Variants in NSD2 observed in about 807,000 individuals in gnomAD.
NSD2 encodes nuclear receptor binding SET domain protein 2, also known as histone-lysine N-methyltransferase NSD2.
NSD2 carries 12 observed loss-of-function variants against 139.0 expected under a neutral mutation model. The ratio of observed to expected loss-of-function variants is 0.09; its 90% CI spans 0.06 to 0.14. The LOEUF is 0.14. NSD2 is among the 10% of genes least tolerant of loss of function. The pLI is 1.00. For synonymous variants in NSD2, 669 were observed against 648.7 expected (o/e 1.03, Z -0.48); for missense variants, 1,155 against 1,745.0 (o/e 0.66, Z 6.02).
chr4:1,935,250 C>T lies in NSD2; in HGVS notation c.1662C>T (p.His554=). 6.2e-7 allele frequency: 1 copy of T among 1,612,558 alleles called. No homozygotes were observed. Among genetic ancestry groups the T allele is most frequent in the Non-Finnish European group, 8.5e-7 (1 of 1,179,016 alleles). The change falls in exon 7 of 22, where the codon CAC becomes CAT. Residue 554 remains histidine, a synonymous_variant. Transcript: ENST00000508803. ...GGAAAAGACTCAGGACGGACAAGCACAGTCTTCGGAAGGTAATTGTGTTCC... is the reference window on the plus strand; with the variant it reads ...GGAAAAGACTCAGGACGGACAAGCATAGTCTTCGGAAGGTAATTGTGTTCC... The part of the protein sequence containing the change: ...TPRKRLRTDK[H]SLRKRDTITD...
In NSD2 at chr4:1,905,469, C is replaced by G. The variant is rs898087285; in HGVS notation, c.760+1091C>G. 1.2e-4 allele frequency among the ~76,000 whole-genome samples: 18 copies of G among 152,394 alleles called. No homozygotes were observed. The Middle Eastern group carries it at 0.01, about 86-fold the overall frequency. On this transcript the variant is annotated intron_variant, in intron 3 of 21. Coordinates refer to ENST00000508803, the MANE Select transcript of NSD2 (RefSeq NM_001042424.3). ...GTGGTCCTTGCGTACATGTCCCCTT[C>G]TGGTCTCTGGCTGGAGGCCTGAGCT...
At position 1,974,714 on chromosome 4, in the gene NSD2, G is replaced by A. The variant is rs748498733; in HGVS notation, c.3373-149G>A. 1.8e-6 allele frequency: 2 copies of A among 1,089,604 alleles called. No individual in the cohort carries two copies. The highest frequency in any genetic ancestry group is 2.8e-6 in the Non-Finnish European group (2 of 714,104). 67.5% of individuals were successfully genotyped at this position (1,089,604 alleles called of 1,614,324 possible). On this transcript the variant is annotated intron_variant, in intron 18 of 21. Transcript: ENST00000508803. This position sits in a 1 kb window ranked among gnomAD's most constrained non-coding sequence, Gnocchi z 4.0. ...CAAGAGAAACAGGACTGGTTTGGGG[G>A]TGTCCTGTCTCAGTGGACACAGGAC...
chr4:1,956,203 A>G lies in NSD2; in HGVS notation c.2881+15A>G. 6.3e-7 allele frequency: 1 copy of G among 1,576,272 alleles called. No homozygotes were observed. The highest frequency in any genetic ancestry group is 8.6e-7 in the Non-Finnish European group (1 of 1,159,302). The stretch of plus-strand genomic sequence containing the variant: ...CTTCAAAAACGGTACGGAGATATTC[A>G]GATAGAGAGTGAGACAGCACTCTCG... On this transcript the variant is annotated intron_variant, in intron 15 of 21. Coordinates refer to ENST00000508803, the MANE Select transcript of NSD2 (RefSeq NM_001042424.3). This position sits in a 1 kb window ranked among gnomAD's most constrained non-coding sequence, Gnocchi z 5.3.
chr4:1,886,434 T>G (rs1715116443), intron 1 of NSD2, among the ~76,000 whole-genome samples: 1 of 152,228 alleles, frequency 6.6e-6, no homozygotes, highest in Non-Finnish European at 1.5e-5. Flanking sequence ...CTTGAACTCC[T>G]GGCCTCAAGT....
At chr4:1,947,781 T>C in intron 9 of NSD2, 1 of 1,048,718 alleles carries the variant, frequency 9.5e-7, no homozygotes, top group South Asian at 4.6e-5. Flanking sequence ...AAATATTTAT[T>C]GTTCAAGGTC....
chr4:1,886,983 A>G (rs1715163982), intron 1 of NSD2, among the ~76,000 whole-genome samples: 1 of 152,008 alleles, frequency 6.6e-6, no homozygotes, highest in Non-Finnish European at 1.5e-5. Flanking sequence ...CTTCTTCCCA[A>G]CATTCCCAAT....
At chr4:1,876,451 G>T (rs1456683143) in intron 1 of NSD2, among the ~76,000 whole-genome samples, 1 of 152,162 alleles carries the variant, frequency 6.6e-6, no homozygotes, top group African/African-American at 2.4e-5. Flanking sequence ...AGCACTTTGG[G>T]AGGCTGAGGT....
chr4:1,930,854 G>A, intron 6 of NSD2, 84 bp downstream of exon 6: 1 of 1,488,988 alleles, frequency 6.7e-7, no homozygotes, highest in Non-Finnish European at 9.0e-7. Context: ...GGAACCGTAG[G>A]GAAGTGTGTC....
rs73796607 is a variant in NSD2 at position 1,904,112 on chromosome 4, G to T, written c.598-104G>T. 5.2e-3 allele frequency: 6,613 copies of T among 1,274,514 alleles called. 272 individuals are homozygous for T. In the African/African-American group the frequency reaches 0.089, roughly 17 times the overall value. 79.0% of individuals were successfully genotyped at this position (1,274,514 alleles called of 1,614,324 possible). ...AAGGGAGCACACTCCATTTTTGGGG[G>T]TCTGTGTGTATTTGGACATTGTAGC... is the stretch of plus-strand genomic sequence containing the variant. On this transcript the variant is annotated intron_variant, in intron 2 of 21. Coordinates refer to ENST00000508803, the MANE Select transcript of NSD2 (RefSeq NM_001042424.3).
At chr4:1,908,516 C>G (rs1242869919) in intron 3 of NSD2, among the ~76,000 whole-genome samples, 1 of 152,180 alleles carries the variant, frequency 6.6e-6, no homozygotes. Context: ...AGGAGTCAAG[C>G]CTGGGTAGAT....
chr4:1,901,249 A>G lies in NSD2; in HGVS notation c.595A>G (p.Lys199Glu). 1 of 1,565,302 alleles carries G rather than the reference A, an allele frequency of 6.4e-7. No individual in the cohort carries two copies. The highest frequency in any genetic ancestry group is 8.6e-7 in the Non-Finnish European group (1 of 1,160,724). The part of the protein sequence containing the change: ...VSKISSPSDK[K>E]IPAKKESCPN... ...TAAGATCTCAAGTCCTTCAGATAAA[A>G]AGGTATTTAGGAGACGTTGTGTAAG... Residue 199 changes from lysine (K) to glutamate (E), a missense_variant and splice_region_variant, in exon 2 of 22, where the codon AAG becomes GAG. Transcript: ENST00000508803.
intron 9 of NSD2, chr4:1,944,442 AG>A: frequency 3.8e-6 from 4 of 1,065,218 alleles, no homozygotes; most frequent in East Asian, 5.0e-5. Context: ...CCGGTTGTTG[AG>A]GTGAATTTTG....
At chr4:1,907,409 G>A (rs1163006354) in intron 3 of NSD2, among the ~76,000 whole-genome samples, 1 of 152,056 alleles carries the variant, frequency 6.6e-6, no homozygotes, top group East Asian at 1.9e-4. Context: ...GTGTTTTCAT[G>A]TCCTCAGGTA....
rs77649910 is a variant in NSD2 at position 1,888,135 on chromosome 4, G to T, written c.-29-12491G>T. ...CAACGTTTATTAAGGCTATATGGCT[G>T]GGTGCGGTGGCTCACGCCTGTAATC... is the stretch of plus-strand genomic sequence containing the variant. On this transcript the variant is annotated intron_variant, in intron 1 of 21. Coordinates refer to ENST00000508803, the MANE Select transcript of NSD2 (RefSeq NM_001042424.3). Among the ~76,000 whole-genome samples, 715 of 152,204 alleles carry T rather than the reference G, an allele frequency of 4.7e-3. 4 individuals are homozygous for T. Among genetic ancestry groups the T allele is most frequent in the African/African-American group, 0.016 (669 of 41,520 alleles).
In NSD2 at chr4:1,978,997, G is replaced by T; in HGVS notation, c.*88G>T. ...GAGGGCGAGCATGAACTGGCCCGGA[G>T]GACCCAGCTCGAGCCGCCAGGACAC... On this transcript the variant is annotated 3_prime_UTR_variant, in exon 22 of 22. Coordinates refer to ENST00000508803, the MANE Select transcript of NSD2 (RefSeq NM_001042424.3). 7.0e-7 allele frequency: 1 copy of T among 1,421,172 alleles called. No individual in the cohort carries two copies. Among genetic ancestry groups the T allele is most frequent in the Non-Finnish European group, 9.2e-7 (1 of 1,085,592 alleles). The allele number at this position is 1,421,172 out of a possible 1,614,324, so 88.0% of individuals were successfully genotyped here.
chr4:1,897,344 G>C (rs895094066), intron 1 of NSD2, among the ~76,000 whole-genome samples: 9 of 152,096 alleles, frequency 5.9e-5, no homozygotes, highest in African/African-American at 2.2e-4. Flanking sequence ...AGTTAGCTGA[G>C]CATGGTGGGG....
intron 18 of NSD2, among the ~76,000 whole-genome samples, chr4:1,962,072 G>A (rs1256995691): frequency 6.6e-6 from 1 of 152,234 alleles, no homozygotes; most frequent in Admixed American, 6.5e-5. Context: ...GACCTAGAGA[G>A]AAAGGGCTGC....
chr4:1,978,966 G>T lies in NSD2; in HGVS notation c.*57G>T. The T allele has an allele frequency of 1.5e-5, 22 of 1,441,586 alleles. No individual in the cohort carries two copies. Among genetic ancestry groups the T allele is most frequent in the Non-Finnish European group, 2.0e-5 (22 of 1,095,876 alleles). The allele number at this position is 1,441,586 out of a possible 1,614,324, so 89.3% of individuals were successfully genotyped here. A position where few individuals can be genotyped will look rare whatever the true frequency, so the allele number is the denominator to read the frequency against. ...CGGTGCAGGGCGGCCGGCCCTGCCT[G>T]CGGGAGAGGGCGAGCATGAACTGGC... On this transcript the variant is annotated 3_prime_UTR_variant, in exon 22 of 22. Transcript: ENST00000508803.
Position 1,978,901 on chromosome 4 carries a change from G to A in NSD2, c.4090G>A (p.Gly1364Ser), listed in dbSNP as rs548852837. 12 of 1,537,890 alleles carry A rather than the reference G, an allele frequency of 7.8e-6. No homozygotes were observed. The Admixed American group carries it at 8.0e-5, about 10-fold the overall frequency. ...GAGGGGCTGGCGGAGAGTCACAGAGGGCAAATAGCGCCAGGCGGCCGCTTG... is the reference window on the plus strand; with the variant it reads ...GAGGGGCTGGCGGAGAGTCACAGAGAGCAAATAGCGCCAGGCGGCCGCTTG... Reference protein sequence around the residue: ...RRRGWRRVTEGK With the variant: ...RRRGWRRVTESK The change falls in exon 22 of 22, where the codon GGC becomes AGC. Residue 1364 changes from glycine (G) to serine (S), a missense_variant. Gly to Ser is a moderately conservative substitution (Grantham distance 56). This residue lies in a region of NSD2 where 132 missense variants were observed against 94.3 expected (regional missense o/e 1.40). Transcript: ENST00000508803.
Sources: allele counts gnomAD v4.1 joint callset (sites outside exome capture counted in the v4.1 genomes callset), GRCh38; gene constraint gnomAD v4.1.1; regional missense constraint gnomAD v4.1.1; non-coding constraint Gnocchi (gnomAD v3.1); transcripts MANE v1.5; gene names NCBI Gene and HGNC (gene_info 2026-07-23, HGNC 2026-07-21).